Variants in KCNJ10 observed in about 807,000 individuals in gnomAD.
The protein encoded by KCNJ10 is ATP-sensitive inward rectifier potassium channel 10.
KCNJ10 carries 9 observed loss-of-function variants against 22.2 expected under a neutral mutation model. That is an observed-to-expected ratio of 0.40 (90% CI 0.24 to 0.71). The LOEUF is 0.71. KCNJ10 is among the 30% of genes least tolerant of loss of function. The pLI is 0.35. For synonymous variants in KCNJ10, 184 were observed against 187.3 expected (o/e 0.98, Z 0.15); for missense variants, 337 against 482.7 (o/e 0.70, Z 2.83).
At chr1:160,047,073 C>A (rs769696928) in intron 1 of KCNJ10, among the ~76,000 whole-genome samples, 1 of 152,248 alleles carries the variant, frequency 6.6e-6, no homozygotes, top group Non-Finnish European at 1.5e-5. Context: ...ACCACTCCCA[C>A]TTACTGCTAC....
chr1:160,040,726 T>C lies in KCNJ10; in HGVS notation c.*667A>G, dbSNP rs1011336320. On this transcript the variant is annotated 3_prime_UTR_variant, in exon 2 of 2. Transcript: ENST00000644903. ...GTTTCTTGGGCCAACTCCAATTCTC[T>C]GAGAACAGAGGCTATGAGGGAACTG... 4 of 397,804 alleles carry C rather than the reference T, an allele frequency of 1.0e-5. No homozygotes were observed. Among genetic ancestry groups the C allele is most frequent in the African/African-American group, 6.2e-5 (3 of 48,574 alleles). 24.6% of individuals were successfully genotyped at this position (397,804 alleles called of 1,614,324 possible). A position where few individuals can be genotyped will look rare whatever the true frequency, so the allele number is the denominator to read the frequency against.
intron 1 of KCNJ10, among the ~76,000 whole-genome samples, chr1:160,043,840 TA>T (rs1648675596): frequency 6.6e-6 from 1 of 152,192 alleles, no homozygotes; most frequent in Non-Finnish European, 1.5e-5. Context: ...GCCCAAGCAG[TA>T]ACTTGTACTT....
intron 1 of KCNJ10, among the ~76,000 whole-genome samples, chr1:160,053,562 A>G (rs1346410965): frequency 6.6e-6 from 1 of 151,904 alleles, no homozygotes; most frequent in Non-Finnish European, 1.5e-5. Context: ...ACAAATAGAA[A>G]TGGAGCCAGA....
intron 1 of KCNJ10, among the ~76,000 whole-genome samples, chr1:160,045,633 C>A (rs915711296): frequency 1.3e-5 from 2 of 152,188 alleles, no homozygotes; most frequent in South Asian, 4.2e-4. Flanking sequence ...AACTGAAGTC[C>A]CTAGAACAAA....
chr1:160,049,673 A>ATTTTTATATATAT (rs1397729161), intron 1 of KCNJ10, among the ~76,000 whole-genome samples: 2 of 71,540 alleles, frequency 2.8e-5, no homozygotes, highest in African/African-American at 5.8e-5. Context: ...CATTTTATTT[A>ATTTTTATATATAT]TTTATATATA....
chr1:160,046,180 G>T (rs752043217), intron 1 of KCNJ10, among the ~76,000 whole-genome samples: 2 of 152,186 alleles, frequency 1.3e-5, no homozygotes, highest in Non-Finnish European at 2.9e-5. Context: ...ATATCTTGGA[G>T]AATGGAAGCT....
chr1:160,047,855 C>T (rs1450003951), intron 1 of KCNJ10, among the ~76,000 whole-genome samples: 3 of 152,186 alleles, frequency 2.0e-5, no homozygotes, highest in African/African-American at 4.8e-5. Flanking sequence ...GTCCTCCCAC[C>T]TCATCCTCCT....
intron 1 of KCNJ10, among the ~76,000 whole-genome samples, chr1:160,048,729 T>G (rs1648809361): frequency 6.6e-6 from 1 of 152,224 alleles, no homozygotes; most frequent in African/African-American, 2.4e-5. Context: ...TTACCCACAC[T>G]CAAAGCCAGG....
chr1:160,067,816 G>A (rs979356439), intron 1 of KCNJ10: 1 of 152,172 alleles, frequency 6.6e-6, no homozygotes, highest in Non-Finnish European at 1.5e-5. Context: ...TATCCTTTGA[G>A]GAAACAGATC....
chr1:160,050,689 C>T (rs924007447), intron 1 of KCNJ10, among the ~76,000 whole-genome samples: 2 of 152,016 alleles, frequency 1.3e-5, no homozygotes, highest in African/African-American at 2.4e-5. Context: ...TCCAGGGCCA[C>T]CCAGGAAATA....
rs1291433376 is a variant in KCNJ10 at position 160,037,726 on chromosome 1, C to T, written c.*3667G>A. ...AGGTTAGCTAGCAAGAATAAAGGAC[C>T]AGGGCAGCAGCCATGGAGAGGGCAC... On this transcript the variant is annotated 3_prime_UTR_variant, in exon 2 of 2. Coordinates refer to ENST00000644903, the MANE Select transcript of KCNJ10 (RefSeq NM_002241.5). 1.3e-5 allele frequency: 2 copies of T among 152,162 alleles called. No individual in the cohort carries two copies. Among genetic ancestry groups the T allele is most frequent in the African/African-American group, 2.4e-5 (1 of 41,396 alleles). 9.4% of individuals were successfully genotyped at this position (152,162 alleles called of 1,614,324 possible). A position where few individuals can be genotyped will look rare whatever the true frequency, so the allele number is the denominator to read the frequency against.
In KCNJ10 at chr1:160,041,182, TG is replaced by T. The variant is rs1648590337; in HGVS notation, c.*210del. The T allele has an allele frequency of 3.3e-6, 2 of 611,020 alleles. No homozygotes were observed. Among genetic ancestry groups the T allele is most frequent in the East Asian group, 2.8e-5 (1 of 35,792 alleles). 37.8% of individuals were successfully genotyped at this position (611,020 alleles called of 1,614,324 possible). ...CCTGGCTTAAGGGAGGTATGTGTAT[TG>T]GGGCAGAAGCTGGGGAAGTGGAAAG... On this transcript the variant is annotated 3_prime_UTR_variant, in exon 2 of 2. Transcript: ENST00000644903. The surrounding 1 kb of genome is among the most constrained non-coding windows in gnomAD (Gnocchi z 4.4).
At chr1:160,042,876 G>T (rs1436231027) in intron 1 of KCNJ10, among the ~76,000 whole-genome samples, 2 of 150,686 alleles carry the variant, frequency 1.3e-5, no homozygotes, top group Non-Finnish European at 2.9e-5. Context: ...GACAGAGGTT[G>T]CAGTGAGCCG....
At chr1:160,063,999 A>G (rs1489895051) in intron 1 of KCNJ10, among the ~76,000 whole-genome samples, 1 of 152,232 alleles carries the variant, frequency 6.6e-6, no homozygotes, top group Non-Finnish European at 1.5e-5. Flanking sequence ...TAATTTGCCC[A>G]TGGCCACATA....
intron 1 of KCNJ10, among the ~76,000 whole-genome samples, chr1:160,058,111 G>T (rs1649085811): frequency 6.6e-6 from 1 of 152,186 alleles, no homozygotes; most frequent in Non-Finnish European, 1.5e-5. Flanking sequence ...CCTTCTCAGT[G>T]CCTGGCATTT....
Position 160,039,403 on chromosome 1 carries a change from C to G in KCNJ10, c.*1990G>C, listed in dbSNP as rs1648552887. On this transcript the variant is annotated 3_prime_UTR_variant, in exon 2 of 2. Transcript: ENST00000644903. ...ACACACACACACACACACACACACA[C>G]ACACACACACACACACACACAGCAG... 1 of 152,104 alleles carries G rather than the reference C, an allele frequency of 6.6e-6. No individual in the cohort carries two copies. The highest frequency in any genetic ancestry group is 1.4e-5 in the Non-Finnish European group (1 of 69,042). 9.4% of individuals were successfully genotyped at this position (152,104 alleles called of 1,614,324 possible).
At position 160,050,442 on chromosome 1, in the gene KCNJ10, AT is replaced by A. The variant is rs201516334; in HGVS notation, c.1-7911del. Reference sequence around the variant, plus strand: ...GTCATCATGCCCAGCCTCAGTAAACATTTTTTTTTCCAGCAACTACTGGGTG... The same window carrying A: ...GTCATCATGCCCAGCCTCAGTAAACATTTTTTTTCCAGCAACTACTGGGTG... On this transcript the variant is annotated intron_variant, in intron 1 of 1. Transcript: ENST00000644903. Among the ~76,000 whole-genome samples the A allele has an allele frequency of 9.6e-3, 1,459 of 151,522 alleles. 18 individuals carry two copies. The highest frequency in any genetic ancestry group is 0.033 in the African/African-American group (1,352 of 41,288).
chr1:160,041,375 G>A lies in KCNJ10; in HGVS notation c.*18C>T. 1 of 1,608,920 alleles carries A rather than the reference G, an allele frequency of 6.2e-7. No individual in the cohort carries two copies. On this transcript the variant is annotated 3_prime_UTR_variant, in exon 2 of 2. Transcript: ENST00000644903. This position sits in a 1 kb window ranked among gnomAD's most constrained non-coding sequence, Gnocchi z 4.4. ...AGAGGAAAAGAGACCAGAGGAATGG[G>A]GGAGTGGGAACAGGTCATCAGACAT...
intron 1 of KCNJ10, among the ~76,000 whole-genome samples, chr1:160,059,349 A>G (rs1228980720): frequency 6.6e-6 from 1 of 152,210 alleles, no homozygotes; most frequent in South Asian, 2.1e-4. Flanking sequence ...AACTTTCCCA[A>G]GATCACACTG....
Sources: gnomAD v4.1 joint callset for allele counts (sites outside exome capture counted in the v4.1 genomes callset) on GRCh38, gnomAD v4.1.1 for gene constraint, Gnocchi (gnomAD v3.1) non-coding constraint, MANE v1.5 for transcripts, NCBI Gene and HGNC (gene_info 2026-07-23, HGNC 2026-07-21) for gene names.